EDEM1: variants seen among roughly 807,000 people sequenced by gnomAD.
EDEM1 encodes ER degradation-enhancing alpha-mannosidase-like protein 1.
Under a neutral mutation model 74.4 loss-of-function variants are expected in EDEM1, and 67 were observed. That is an observed-to-expected ratio of 0.90 (90% CI 0.74 to 1.10). EDEM1 has a LOEUF of 1.10. Ranked by LOEUF, EDEM1 falls within the 50% of genes least tolerant of loss-of-function variation. EDEM1 has a pLI of 0.00. For missense variants in EDEM1, 926 were observed against 851.6 expected (o/e 1.09, Z -1.09); for synonymous variants, 382 against 335.9 (o/e 1.14, Z -1.50).
chr3:5,207,798 G>C (rs1054831754), intron 7 of EDEM1, among the ~76,000 whole-genome samples: 2 of 152,202 alleles, frequency 1.3e-5, no homozygotes, highest in Non-Finnish European at 2.9e-5. Context: ...ATGAGGCACT[G>C]TGCTGGGCTG....
rs2055248003 is a variant in EDEM1, at chr3:5,217,114, C to A, written c.*1196C>A. The stretch of plus-strand genomic sequence containing the variant: ...AGGCCTGTTTAGCCACATGGTGAGA[C>A]CGTGGTGAAAGGGGGATGGAAATTG... On this transcript the variant is annotated 3_prime_UTR_variant, in exon 12 of 12. Coordinates refer to ENST00000256497, the MANE Select transcript of EDEM1 (RefSeq NM_014674.3). The A allele has an allele frequency of 6.6e-6, 1 of 152,622 alleles. No individual in the cohort carries two copies. The highest frequency in any genetic ancestry group is 2.4e-5 in the African/African-American group (1 of 41,446). 9.5% of individuals were successfully genotyped at this position (152,622 alleles called of 1,614,324 possible).
At position 5,187,995 on chromosome 3, in the gene EDEM1, G is replaced by T. The variant is rs762255204; in HGVS notation, c.190G>T (p.Gly64Trp). ...SPTSGPVGRPGGVSGPSWLQP... is the reference protein window; with the variant it reads ...SPTSGPVGRPWGVSGPSWLQP... ...CACCTCGGGGCCCGTGGGCCGGCCT[G>T]GGGGGGTATCCGGGCCGTCGTGGCT... The change falls in exon 1 of 12, where the codon GGG (glycine) becomes TGG (tryptophan). Residue 64 changes from glycine (G) to tryptophan (W), a missense_variant. Coordinates refer to ENST00000256497, the MANE Select transcript of EDEM1 (RefSeq NM_014674.3). 4.6e-6 allele frequency: 7 copies of T among 1,514,598 alleles called. No individual in the cohort carries two copies. Among genetic ancestry groups the T allele is most frequent in the East Asian group, 2.7e-5 (1 of 37,504 alleles). The allele number at this position is 1,514,598 out of a possible 1,614,324, so 93.8% of individuals were successfully genotyped here.
At chr3:5,198,139 A>C (rs2244990) in intron 2 of EDEM1, among the ~76,000 whole-genome samples, 120,398 of 151,740 alleles carry the variant, frequency 0.79, 48,232 homozygotes, top group East Asian at 0.94. Flanking sequence ...CCACCTTCCC[A>C]GGGGTTCAAG....
At position 5,215,962 on chromosome 3, in the gene EDEM1, C is replaced by T; in HGVS notation, c.*44C>T. ...TCATCTTGAACCAGACCTTAACGAC[C>T]AAACCCAGACCATGCCAAAGTCCAG... On this transcript the variant is annotated 3_prime_UTR_variant, in exon 12 of 12. Coordinates refer to ENST00000256497, the MANE Select transcript of EDEM1 (RefSeq NM_014674.3). 1 of 1,530,386 alleles carries T rather than the reference C, an allele frequency of 6.5e-7. No individual in the cohort carries two copies. Among genetic ancestry groups the T allele is most frequent in the Non-Finnish European group, 9.0e-7 (1 of 1,112,570 alleles). The allele number at this position is 1,530,386 out of a possible 1,614,324, so 94.8% of individuals were successfully genotyped here. A position where few individuals can be genotyped will look rare whatever the true frequency, so the allele number is the denominator to read the frequency against.
chr3:5,205,038 G>A (rs1351395338), intron 5 of EDEM1, 29 bp from the exon 6 acceptor site: 8 of 1,610,050 alleles, frequency 5.0e-6, no homozygotes, highest in African/African-American at 1.3e-5. Context: ...AGACAGCTGG[G>A]ACCTCAAGTG....
At chr3:5,191,854 T>A (rs1461265565) in intron 1 of EDEM1, among the ~76,000 whole-genome samples, 1 of 152,214 alleles carries the variant, frequency 6.6e-6, no homozygotes, top group East Asian at 1.9e-4. Context: ...AAATTTAAAG[T>A]TTCTTTGAGT....
At chr3:5,208,375 C>A in intron 8 of EDEM1, 112 bp downstream of exon 8, 2 of 1,316,274 alleles carry the variant, frequency 1.5e-6, no homozygotes, top group Non-Finnish European at 2.1e-6. Flanking sequence ...TTCATAGTGA[C>A]TCTGATTGAG....
chr3:5,214,850 C>A (rs186943889), intron 11 of EDEM1, among the ~76,000 whole-genome samples: 1 of 152,278 alleles, frequency 6.6e-6, no homozygotes, highest in African/African-American at 2.4e-5. Flanking sequence ...GAAGGGCTCC[C>A]GGTTCTGGAT....
chr3:5,207,160 G>A lies in EDEM1; in HGVS notation c.1225G>A (p.Ala409Thr). ...IQNYLRRGREACNEGEGDPPL... is the reference protein window; with the variant it reads ...IQNYLRRGRETCNEGEGDPPL... ...TGCTGCTTGGGTTTGCAGGCGGGAA[G>A]CCTGCAATGAAGGAGAAGGAGACCC... Residue 409 changes from alanine to threonine, a missense_variant, in exon 7 of 12, where the codon GCC becomes ACC. Ala to Thr is a moderately conservative substitution (Grantham distance 58). Coordinates refer to ENST00000256497, the MANE Select transcript of EDEM1 (RefSeq NM_014674.3). 1.2e-6 allele frequency: 2 copies of A among 1,614,082 alleles called. No homozygotes were observed. Among genetic ancestry groups the A allele is most frequent in the East Asian group, 2.2e-5 (1 of 44,870 alleles).
intron 11 of EDEM1, among the ~76,000 whole-genome samples, chr3:5,215,033 C>T (rs569341392): frequency 1.4e-3 from 215 of 152,272 alleles, no homozygotes; most frequent in African/African-American, 4.6e-3. Context: ...AAAGGGTGTT[C>T]AGGCAGAAGC....
chr3:5,200,469 C>G (rs1307681856), intron 3 of EDEM1, among the ~76,000 whole-genome samples: 1 of 152,148 alleles, frequency 6.6e-6, no homozygotes, highest in Non-Finnish European at 1.5e-5. Flanking sequence ...CTGTCTCTCT[C>G]TTTTTCTCTA....
Position 5,199,509 on chromosome 3 carries a change from G to A in EDEM1, c.583-83G>A, listed in dbSNP as rs2055008685. On this transcript the variant is annotated intron_variant, in intron 2 of 11. Transcript: ENST00000256497. ...TAGCAAAACCACATACAGACATTTA[G>A]GTGACGTGACTGGGCTGCTGTGATG... 4 of 950,596 alleles carry A rather than the reference G, an allele frequency of 4.2e-6. No individual in the cohort carries two copies. In the Admixed American group the frequency reaches 9.7e-5, roughly 23 times the overall value. The allele number at this position is 950,596 out of a possible 1,614,324, so 58.9% of individuals were successfully genotyped here.
chr3:5,214,946 C>G (rs940036878), intron 11 of EDEM1, among the ~76,000 whole-genome samples: 1 of 152,072 alleles, frequency 6.6e-6, no homozygotes, highest in Non-Finnish European at 1.5e-5. Flanking sequence ...GGAGTAATCT[C>G]CAGAGAAAAT....
chr3:5,203,158 C>T lies in EDEM1; in HGVS notation c.1042+9C>T, dbSNP rs201796285. 1.7e-4 allele frequency: 267 copies of T among 1,550,094 alleles called. No homozygotes were observed. The highest frequency in any genetic ancestry group is 8.9e-4 in the Middle Eastern group (5 of 5,634). On this transcript the variant is annotated intron_variant, in intron 5 of 11. Coordinates refer to ENST00000256497, the MANE Select transcript of EDEM1 (RefSeq NM_014674.3). ...TGATACAGGATTACTAGGTGTGGCA[C>T]CTTTCCTCGCCATTGGGACTGCACA...
chr3:5,215,605 G>A (rs574334872), intron 11 of EDEM1, among the ~76,000 whole-genome samples: 13 of 152,312 alleles, frequency 8.5e-5, no homozygotes, highest in African/African-American at 2.6e-4. Flanking sequence ...GTCTGGAGAC[G>A]TTTTTGATTT....
rs2055152960 is a variant in EDEM1 at position 5,210,321 on chromosome 3, C to G, written c.1583+73C>G. 2.2e-6 allele frequency: 3 copies of G among 1,386,900 alleles called. No homozygotes were observed. The African/African-American group carries it at 4.3e-5, about 20-fold the overall frequency. 85.9% of individuals were successfully genotyped at this position (1,386,900 alleles called of 1,614,324 possible). On this transcript the variant is annotated intron_variant, in intron 9 of 11. Transcript: ENST00000256497. ...ATTTCAAATTGTTTTGGGGAAATAT[C>G]CTAGTTTGCATTTTAATTTATAGAA...
At chr3:5,199,405 G>A (rs2055007820) in intron 2 of EDEM1, among the ~76,000 whole-genome samples, 187 bp from the exon 3 acceptor site, 1 of 152,182 alleles carries the variant, frequency 6.6e-6, no homozygotes, top group African/African-American at 2.4e-5. Flanking sequence ...TTGAGTTGGA[G>A]GAAATGGGCC....
chr3:5,215,697 C>A, intron 11 of EDEM1, 132 bp from the exon 12 acceptor site: 1 of 819,174 alleles, frequency 1.2e-6, no homozygotes, highest in Non-Finnish European at 2.0e-6. Context: ...AGTGTACAGG[C>A]AGCTTCCACA....
chr3:5,214,535 G>A (rs535613162), intron 11 of EDEM1, among the ~76,000 whole-genome samples: 104 of 152,294 alleles, frequency 6.8e-4, no homozygotes, highest in Non-Finnish European at 5.4e-4. Flanking sequence ...GAGGGTGAGA[G>A]GGGGAAGAGT....
Sources: allele counts gnomAD v4.1 joint callset (sites outside exome capture counted in the v4.1 genomes callset), GRCh38; gene constraint gnomAD v4.1.1; transcripts MANE v1.5; gene names NCBI Gene and HGNC (gene_info 2026-07-23, HGNC 2026-07-21).